The following PRKAR1B variants were observed in gnomAD, a reference collection of about 807,000 sequenced individuals.
PRKAR1B encodes the protein protein kinase cAMP-dependent type I regulatory subunit beta.
PRKAR1B carries 22 observed loss-of-function variants against 46.5 expected under a neutral mutation model. The observed-to-expected ratio is 0.47, with a 90% confidence interval of 0.34 to 0.68. The LOEUF (loss-of-function observed/expected upper bound fraction) is 0.68, where lower values mean the gene tolerates loss of function less well. PRKAR1B is among the 30% of genes least tolerant of loss of function. PRKAR1B has a pLI of 0.01. For synonymous variants in PRKAR1B, 259 were observed against 217.7 expected (o/e 1.19, Z -1.67); for missense variants, 445 against 535.6 (o/e 0.83, Z 1.67).
chr7:599,928 G>A (rs1205347569), intron 6 of PRKAR1B, among the ~76,000 whole-genome samples: 2 of 147,090 alleles, frequency 1.4e-5, no homozygotes, highest in Non-Finnish European at 3.0e-5. Flanking sequence ...AGTCAATGGT[G>A]GGACAGGGGT....
At chr7:588,683 G>T (rs1780766758) in intron 7 of PRKAR1B, among the ~76,000 whole-genome samples, 1 of 38,568 alleles carries the variant, frequency 2.6e-5, no homozygotes, top group Non-Finnish European at 5.8e-5. Flanking sequence ...TGATGACGAT[G>T]ATGGTGATGG....
At chr7:606,709 A>G (rs1222556791) in intron 5 of PRKAR1B, among the ~76,000 whole-genome samples, 2 of 151,648 alleles carry the variant, frequency 1.3e-5, no homozygotes, top group African/African-American at 2.4e-5. Flanking sequence ...CGGCCTCCCA[A>G]AGTGCTGGGA....
chr7:680,157 CAA>C (rs372918350), intron 3 of PRKAR1B, among the ~76,000 whole-genome samples: 8 of 73,672 alleles, frequency 1.1e-4, no homozygotes, highest in Non-Finnish European at 1.8e-4. Context: ...GACTCTGTTT[CAA>C]AAAAAAAAAA....
intron 2 of PRKAR1B, among the ~76,000 whole-genome samples, chr7:689,295 G>T (rs1217751620): frequency 4.0e-5 from 6 of 151,602 alleles, no homozygotes; most frequent in Non-Finnish European, 8.8e-5. Context: ...CTAATTTTTT[G>T]TATTTTTAGT....
chr7:656,378 T>G (rs1272726604), intron 4 of PRKAR1B, among the ~76,000 whole-genome samples: 1 of 152,112 alleles, frequency 6.6e-6, no homozygotes, highest in Non-Finnish European at 1.5e-5. Context: ...AATGGATGAC[T>G]GACTAGATGA....
chr7:568,208 C>A (rs1779289645), intron 9 of PRKAR1B, among the ~76,000 whole-genome samples: 1 of 152,150 alleles, frequency 6.6e-6, no homozygotes, highest in South Asian at 2.1e-4. Flanking sequence ...TAAGCACCCC[C>A]TCGGTCTGGC....
At chr7:683,415 G>A (rs1238973977) in intron 2 of PRKAR1B, among the ~76,000 whole-genome samples, 1 of 152,180 alleles carries the variant, frequency 6.6e-6, no homozygotes, top group Non-Finnish European at 1.5e-5. Context: ...GTCCAGGTGG[G>A]TGAGGTGATC....
At chr7:590,009 G>A (rs921469683) in intron 7 of PRKAR1B, among the ~76,000 whole-genome samples, 2 of 152,242 alleles carry the variant, frequency 1.3e-5, no homozygotes, top group South Asian at 2.1e-4. Context: ...ACTTTCAGAC[G>A]GAATCTGCTG....
At chr7:566,519 T>TCACCACCATCGC in intron 9 of PRKAR1B, among the ~76,000 whole-genome samples, 1 of 97,248 alleles carries the variant, frequency 1.0e-5, no homozygotes, top group Non-Finnish European at 2.3e-5. Context: ...ATCATGATCA[T>TCACCACCATCGC]CACCATCATT....
chr7:579,107 C>A, intron 9 of PRKAR1B, 149 bp downstream of exon 9: 1 of 1,532,328 alleles, frequency 6.5e-7, no homozygotes, highest in South Asian at 1.2e-5. Flanking sequence ...CACAGACCAC[C>A]CACCCCATGG....
At chr7:633,254 C>T (rs1242142266) in intron 4 of PRKAR1B, among the ~76,000 whole-genome samples, 1 of 152,154 alleles carries the variant, frequency 6.6e-6, no homozygotes, top group Admixed American at 6.5e-5. Context: ...CTAACACAGG[C>T]AGGAGGGGCC....
chr7:581,256 T>C (rs893674091), intron 8 of PRKAR1B, among the ~76,000 whole-genome samples: 8 of 141,134 alleles, frequency 5.7e-5, no homozygotes, highest in African/African-American at 2.2e-4. Flanking sequence ...TGAGCCGAGA[T>C]AGCACCACTG....
Position 666,192 on chromosome 7 carries a change from A to G in PRKAR1B, c.440+11037T>C, listed in dbSNP as rs1417947739. 6.6e-6 allele frequency among the ~76,000 whole-genome samples: 1 copy of G among 152,090 alleles called. No individual in the cohort carries two copies. The highest frequency in any genetic ancestry group is 2.4e-5 in the African/African-American group (1 of 41,406). On this transcript the variant is annotated intron_variant, in intron 4 of 10. Transcript: ENST00000537384. The surrounding 1 kb of genome is among the most constrained non-coding windows in gnomAD (Gnocchi z 4.9). ...CGGGAAGGGACCGGGATAGAACCCA[A>G]GGGCCTCCACCTCACTCCCCAAGGC...
intron 4 of PRKAR1B, among the ~76,000 whole-genome samples, chr7:612,141 A>ACAGG (rs1423596318): frequency 1.6e-5 from 2 of 128,482 alleles, no homozygotes; most frequent in African/African-American, 3.0e-5. Context: ...GGATGGATGG[A>ACAGG]TGTAAGGATG....
At chr7:564,819 A>G (rs35584989) in intron 9 of PRKAR1B, among the ~76,000 whole-genome samples, 4,407 of 152,258 alleles carry the variant, frequency 0.029, 132 homozygotes, top group East Asian at 0.16. Context: ...AGACGAACAC[A>G]TCAGCTTTGG....
chr7:689,680 A>G (rs1175614592), intron 2 of PRKAR1B, among the ~76,000 whole-genome samples: 3 of 145,398 alleles, frequency 2.1e-5, no homozygotes, highest in Non-Finnish European at 4.5e-5. Flanking sequence ...AAAGACCCAA[A>G]GAGAAGACTT....
chr7:590,229 A>C (rs542743988), intron 7 of PRKAR1B, among the ~76,000 whole-genome samples: 32 of 152,384 alleles, frequency 2.1e-4, no homozygotes, highest in African/African-American at 7.2e-4. Flanking sequence ...GTGTGAAACC[A>C]TAAGGGGACT....
At chr7:641,811 T>C (rs1784402574) in intron 4 of PRKAR1B, among the ~76,000 whole-genome samples, 1 of 152,178 alleles carries the variant, frequency 6.6e-6, no homozygotes, top group Non-Finnish European at 1.5e-5. Context: ...ATGACTCCAT[T>C]TATTTATGTA....
At chr7:684,875 G>GACACACACACAC (rs142305067) in intron 2 of PRKAR1B, among the ~76,000 whole-genome samples, 1,981 of 145,482 alleles carry the variant, frequency 0.014, 25 homozygotes, top group East Asian at 0.089. Flanking sequence ...ACTTCACACA[G>GACACACACACAC]ACACACACAC....
Sources: gnomAD v4.1 joint callset for allele counts (sites outside exome capture counted in the v4.1 genomes callset) on GRCh38, gnomAD v4.1.1 for gene constraint, Gnocchi (gnomAD v3.1) non-coding constraint, MANE v1.5 for transcripts, NCBI Gene and HGNC (gene_info 2026-07-23, HGNC 2026-07-21) for gene names.